Variants in RHOBTB1 observed in about 807,000 individuals in gnomAD.
RHOBTB1 encodes rho-related BTB domain-containing protein 1.
RHOBTB1 carries 40 observed loss-of-function variants against 71.6 expected under a neutral mutation model. That is an observed-to-expected ratio of 0.56 (90% CI 0.43 to 0.73). The LOEUF (loss-of-function observed/expected upper bound fraction) is 0.73, where lower values mean the gene tolerates loss of function less well. RHOBTB1 is among the 30% of genes least tolerant of loss of function. The pLI, the probability that RHOBTB1 is intolerant of heterozygous loss-of-function variation, is 0.00. For synonymous variants in RHOBTB1, 319 were observed against 334.9 expected, an observed-to-expected ratio of 0.95 and a Z score of 0.52; for missense variants, 797 against 894.0, an observed-to-expected ratio of 0.89 and a Z score of 1.38.
At position 60,919,843 on chromosome 10, in the gene RHOBTB1, A is replaced by G. The variant is rs562250256; in HGVS notation, c.-10-8291T>C. On this transcript the variant is annotated intron_variant, in intron 2 of 10. Coordinates refer to ENST00000337910, the MANE Select transcript of RHOBTB1 (RefSeq NM_014836.5). ...TTAAAACTCAAGATCAGTGGGGGAG[A>G]TGAACCAAGATTAGAAACCAACCTT... Among the ~76,000 whole-genome samples the G allele has an allele frequency of 3.3e-5, 5 of 152,334 alleles. No individual in the cohort carries two copies. In the South Asian group the frequency reaches 1.0e-3, roughly 32 times the overall value.
chr10:60,922,696 C>A (rs906357551), intron 2 of RHOBTB1, among the ~76,000 whole-genome samples: 6 of 152,190 alleles, frequency 3.9e-5, no homozygotes, highest in South Asian at 2.1e-4. Flanking sequence ...CAATAGGAAA[C>A]CAGCCTGCTG....
chr10:60,870,685 T>C lies in RHOBTB1; in HGVS notation c.*797A>G, dbSNP rs1223863544. 1 of 152,488 alleles carries C rather than the reference T, an allele frequency of 6.6e-6. No individual in the cohort carries two copies. Among genetic ancestry groups the C allele is most frequent in the Non-Finnish European group, 1.5e-5 (1 of 68,048 alleles). 9.4% of individuals were successfully genotyped at this position (152,488 alleles called of 1,614,324 possible). ...GAACACCAGCGCACTAATGGTATCT[T>C]ATGTATTCAGGTCCACCAGTGAGTT... On this transcript the variant is annotated 3_prime_UTR_variant, in exon 11 of 11. Transcript: ENST00000337910.
chr10:60,979,585 CCAATACCAGG>C (rs2086426476), intron 2 of RHOBTB1, among the ~76,000 whole-genome samples: 1 of 152,016 alleles, frequency 6.6e-6, no homozygotes, highest in Admixed American at 6.6e-5. Context: ...TTCAATTTAA[CCAATACCAGG>C]CACTGGAGTA....
At chr10:60,907,130 C>G (rs1017589041) in intron 4 of RHOBTB1, among the ~76,000 whole-genome samples, 1 of 152,212 alleles carries the variant, frequency 6.6e-6, no homozygotes, top group Non-Finnish European at 1.5e-5. Flanking sequence ...ATTGTCAGGC[C>G]TCCCCAGCCA....
intron 9 of RHOBTB1, among the ~76,000 whole-genome samples, chr10:60,873,783 A>G (rs2080913648): frequency 6.6e-6 from 1 of 152,224 alleles, no homozygotes; most frequent in South Asian, 2.1e-4. Flanking sequence ...GTAATCCCTA[A>G]TTGGATTTTA....
At chr10:60,908,643 C>G (rs1338307296) in intron 4 of RHOBTB1, among the ~76,000 whole-genome samples, 2 of 152,212 alleles carry the variant, frequency 1.3e-5, no homozygotes, top group Non-Finnish European at 2.9e-5. Context: ...AATTAAAAAA[C>G]TCCTACTTCT....
chr10:60,927,758 C>T (rs916869582), intron 2 of RHOBTB1, among the ~76,000 whole-genome samples: 3 of 151,910 alleles, frequency 2.0e-5, no homozygotes, highest in Admixed American at 6.6e-5. Flanking sequence ...AACGATGAAA[C>T]GATTATAAGA....
upstream of RHOBTB1, among the ~76,000 whole-genome samples, chr10:60,947,858 A>C (rs2085288725): frequency 6.6e-6 from 1 of 152,222 alleles, no homozygotes; most frequent in Non-Finnish European, 1.5e-5. Flanking sequence ...TGAAGAATGC[A>C]ATTGCTAGGT....
intron 2 of RHOBTB1, among the ~76,000 whole-genome samples, chr10:60,920,894 C>T (rs1410621066): frequency 1.3e-5 from 2 of 151,288 alleles, no homozygotes; most frequent in Non-Finnish European, 2.9e-5. Context: ...TGAGCTCAAG[C>T]GATCCTCCCA....
intron 10 of RHOBTB1, 30 bp downstream of exon 10, chr10:60,872,155 T>C: frequency 6.8e-7 from 1 of 1,478,454 alleles, no homozygotes; most frequent in Non-Finnish European, 9.5e-7. Flanking sequence ...TGAGGAGAGC[T>C]GGATGAATGG....
intron 2 of RHOBTB1, among the ~76,000 whole-genome samples, chr10:60,925,437 C>G (rs1309847361): frequency 1.3e-5 from 2 of 151,984 alleles, no homozygotes; most frequent in Non-Finnish European, 2.9e-5. Context: ...ACAAATGGTA[C>G]TCAGAGGAAA....
chr10:60,986,154 T>G (rs1282016687), intron 1 of RHOBTB1, among the ~76,000 whole-genome samples: 1 of 151,926 alleles, frequency 6.6e-6, no homozygotes, highest in East Asian at 1.9e-4. Context: ...ACAGAATATC[T>G]GGGGTCAAAT....
chr10:60,996,058 A>G (rs1301096270), intron 1 of RHOBTB1, among the ~76,000 whole-genome samples: 1 of 152,160 alleles, frequency 6.6e-6, no homozygotes, highest in Non-Finnish European at 1.5e-5. Context: ...AACTCAGGAG[A>G]TGGGGACTCA....
intron 5 of RHOBTB1, among the ~76,000 whole-genome samples, 187 bp from the exon 6 acceptor site, chr10:60,889,372 A>G (rs1378847226): frequency 6.6e-6 from 1 of 152,234 alleles, no homozygotes; most frequent in African/African-American, 2.4e-5. Context: ...GGAAAAAATA[A>G]TGCTTTCAAA....
At chr10:60,867,536 G>A (rs1272584027), downstream of RHOBTB1, among the ~76,000 whole-genome samples, 2 of 152,228 alleles carry the variant, frequency 1.3e-5, no homozygotes, top group Non-Finnish European at 2.9e-5. Context: ...TGCTACTGTT[G>A]TTGATAATTC....
intron 7 of RHOBTB1, among the ~76,000 whole-genome samples, chr10:60,878,687 C>T (rs542662596): frequency 6.6e-6 from 1 of 152,308 alleles, no homozygotes; most frequent in Non-Finnish European, 1.5e-5. Flanking sequence ...CTTGGGACTT[C>T]CAGGGGAGTA....
At chr10:60,906,635 A>G (rs1897367) in intron 4 of RHOBTB1, among the ~76,000 whole-genome samples, 38,556 of 151,966 alleles carry the variant, frequency 0.25, 6,612 homozygotes, top group African/African-American at 0.49. Context: ...TTGCAGGCTC[A>G]CCACAAGAGT....
At chr10:60,994,907 A>G (rs1302962517) in intron 1 of RHOBTB1, among the ~76,000 whole-genome samples, 1 of 151,930 alleles carries the variant, frequency 6.6e-6, no homozygotes, top group East Asian at 1.9e-4. Flanking sequence ...ACAGTTGAAG[A>G]TAGATAAGTA....
intron 7 of RHOBTB1, among the ~76,000 whole-genome samples, chr10:60,885,330 A>G (rs763157098): frequency 2.6e-5 from 4 of 152,196 alleles, no homozygotes; most frequent in Non-Finnish European, 4.4e-5. Context: ...TAAAACAACA[A>G]GAAAGACAAA....
Sources: gnomAD v4.1 joint callset for allele counts (sites outside exome capture counted in the v4.1 genomes callset) on GRCh38, gnomAD v4.1.1 for gene constraint, MANE v1.5 for transcripts, NCBI Gene and HGNC (gene_info 2026-07-23, HGNC 2026-07-21) for gene names.